IFT81: variants seen among roughly 807,000 people sequenced by gnomAD.
IFT81 encodes intraflagellar transport 81, also known as intraflagellar transport protein 81 homolog.
A neutral mutation model predicts 102.6 loss-of-function variants in IFT81; 72 were observed. That is an observed-to-expected ratio of 0.70 (90% confidence interval 0.58 to 0.85). The LOEUF is 0.85. Among genes scored for constraint, IFT81 ranks in the 40% least tolerant of loss-of-function variants. The pLI, the probability that IFT81 is intolerant of heterozygous loss-of-function variation, is 0.00. For missense variants in IFT81, 723 were observed against 787.3 expected, an observed-to-expected ratio of 0.92 and a Z score of 0.98; for synonymous variants, 237 against 242.7, an observed-to-expected ratio of 0.98 and a Z score of 0.22.
At chr12:110,157,475 G>A (rs1374763080) in intron 10 of IFT81, among the ~76,000 whole-genome samples, 1 of 152,152 alleles carries the variant, frequency 6.6e-6, no homozygotes, top group Non-Finnish European at 1.5e-5. Flanking sequence ...AGTGCCAACA[G>A]TTTGATTTTA....
At chr12:110,161,589 G>A (rs1344732439) in intron 10 of IFT81, among the ~76,000 whole-genome samples, 1 of 151,856 alleles carries the variant, frequency 6.6e-6, no homozygotes, top group Non-Finnish European at 1.5e-5. Flanking sequence ...GACCACAGGT[G>A]TGCATCACAA....
chr12:110,146,941 A>C lies in IFT81; in HGVS notation c.946-12A>C, dbSNP rs1286117549. 8 of 1,579,990 alleles carry C rather than the reference A, an allele frequency of 5.1e-6. No homozygotes were observed. The highest frequency in any genetic ancestry group is 1.4e-5 in the African/African-American group (1 of 72,682). On this transcript the variant is annotated splice_polypyrimidine_tract_variant and intron_variant, in intron 9 of 18. Transcript: ENST00000242591. Reference sequence around the variant, plus strand: ...GTTTTAACTTTTTTTTTTTGCTTTCATGCTATTTTAGATAAATGAAATAAA... The same window carrying C: ...GTTTTAACTTTTTTTTTTTGCTTTCCTGCTATTTTAGATAAATGAAATAAA...
chr12:110,184,648 G>A (rs913555720), intron 12 of IFT81, among the ~76,000 whole-genome samples: 14 of 152,284 alleles, frequency 9.2e-5, no homozygotes, highest in African/African-American at 3.4e-4. Context: ...CTCTGATACA[G>A]GTCTGACACC....
chr12:110,209,191 C>T lies in IFT81; in HGVS notation c.1823C>T (p.Thr608Ile). 6.5e-7 allele frequency: 1 copy of T among 1,550,166 alleles called. No individual in the cohort carries two copies. The highest frequency in any genetic ancestry group is 8.9e-7 in the Non-Finnish European group (1 of 1,126,572). ...CCTAGGGAACAGTATACCAAAAATACTGCTGAACAAGAAAACCTTGGAAAG... is the reference window on the plus strand; with the variant it reads ...CCTAGGGAACAGTATACCAAAAATATTGCTGAACAAGAAAACCTTGGAAAG... ...KAIREQYTKN[T>I]AEQENLGKKL... is the part of the protein sequence containing the mutation. Residue 608 changes from threonine (T) to isoleucine (I), a missense_variant, in exon 18 of 19, where the codon ACT becomes ATT. By Grantham distance (89) the Thr-to-Ile change is moderately conservative. Transcript: ENST00000242591.
At position 110,163,185 on chromosome 12, in the gene IFT81, C is replaced by T. The variant is rs1896237146; in HGVS notation, c.1188+120C>T. 1.2e-5 allele frequency: 9 copies of T among 746,860 alleles called. No individual in the cohort carries two copies. In the Admixed American group the frequency reaches 1.9e-4, roughly 16 times the overall value. The allele number at this position is 746,860 out of a possible 1,614,324, so 46.3% of individuals were successfully genotyped here. A position where few individuals can be genotyped will look rare whatever the true frequency, so the allele number is the denominator to read the frequency against. On this transcript the variant is annotated intron_variant, in intron 11 of 18. Coordinates refer to ENST00000242591, the MANE Select transcript of IFT81 (RefSeq NM_014055.4). ...GGGACGTTAATCTTATTTTATAAAA[C>T]ATATTTAAAACTGAAGAGTCTTTTT...
chr12:110,183,804 G>A (rs942592192), intron 12 of IFT81, among the ~76,000 whole-genome samples: 1 of 152,136 alleles, frequency 6.6e-6, no homozygotes, highest in Non-Finnish European at 1.5e-5. Flanking sequence ...GATAATCTGG[G>A]GATTCAAGGT....
intron 11 of IFT81, among the ~76,000 whole-genome samples, chr12:110,165,500 T>C (rs1178916994): frequency 6.6e-6 from 1 of 152,188 alleles, no homozygotes; most frequent in Non-Finnish European, 1.5e-5. Flanking sequence ...AAGGTATTGA[T>C]AATTAGTGGC....
At chr12:110,197,931 C>T (rs375522962) in intron 14 of IFT81, among the ~76,000 whole-genome samples, 2 of 152,190 alleles carry the variant, frequency 1.3e-5, no homozygotes, top group East Asian at 1.9e-4. Context: ...AGGCTGGTCT[C>T]GAACTCCTGA....
chr12:110,201,254 T>C (rs1898251730), intron 14 of IFT81, among the ~76,000 whole-genome samples: 1 of 151,446 alleles, frequency 6.6e-6, no homozygotes, highest in African/African-American at 2.4e-5. Flanking sequence ...AATACGAAAT[T>C]ATCTGGTCAT....
At chr12:110,181,020 A>G (rs962017454) in intron 12 of IFT81, among the ~76,000 whole-genome samples, 4 of 152,184 alleles carry the variant, frequency 2.6e-5, no homozygotes, top group Non-Finnish European at 4.4e-5. Flanking sequence ...GTCTGAAAAA[A>G]GTTAAACCCA....
At chr12:110,139,266 G>A (rs1894697676) in intron 8 of IFT81, among the ~76,000 whole-genome samples, 1 of 151,094 alleles carries the variant, frequency 6.6e-6, no homozygotes, top group African/African-American at 2.4e-5. Flanking sequence ...GAGCTCAGGA[G>A]GTGGAAGTTG....
intron 14 of IFT81, among the ~76,000 whole-genome samples, chr12:110,201,113 A>T (rs543571725): frequency 1.3e-4 from 20 of 151,896 alleles, no homozygotes; most frequent in Admixed American, 4.6e-4. Flanking sequence ...ATTTAAAAAA[A>T]TTTTTTTGGC....
At position 110,132,565 on chromosome 12, in the gene IFT81, G is replaced by T; in HGVS notation, c.448G>T (p.Ala150Ser). ...TNKQYEELME[A>S]FKTLHKEYEQ... ...CTTCTAGTATGAAGAGTTAATGGAA[G>T]CCTTTAAAACTTTGCATAAAGAATA... Residue 150 changes from alanine to serine, a missense_variant, in exon 5 of 19, where the codon GCC becomes TCC. Transcript: ENST00000242591. 6.5e-7 allele frequency: 1 copy of T among 1,527,120 alleles called. No homozygotes were observed. Among genetic ancestry groups the T allele is most frequent in the South Asian group, 1.2e-5 (1 of 85,334 alleles). The allele number at this position is 1,527,120 out of a possible 1,614,324, so 94.6% of individuals were successfully genotyped here.
intron 11 of IFT81, among the ~76,000 whole-genome samples, chr12:110,172,857 G>A (rs1195746775): frequency 6.6e-6 from 1 of 152,222 alleles, no homozygotes; most frequent in Non-Finnish European, 1.5e-5. Flanking sequence ...CATCGTCTGG[G>A]ATGTGAGGAG....
At chr12:110,135,738 A>G (rs1259157483) in intron 7 of IFT81, among the ~76,000 whole-genome samples, 1 of 151,942 alleles carries the variant, frequency 6.6e-6, no homozygotes, top group East Asian at 1.9e-4. Flanking sequence ...ATGGTGGCAC[A>G]TGCCTGTAGT....
intron 18 of IFT81, among the ~76,000 whole-genome samples, chr12:110,217,775 C>G (rs1438008609): frequency 3.3e-5 from 5 of 151,832 alleles, no homozygotes; most frequent in Admixed American, 2.6e-4. Context: ...AACAGTTTGA[C>G]TTAGTGTTGG....
chr12:110,179,743 TA>T (rs1897215503), intron 11 of IFT81, among the ~76,000 whole-genome samples: 1 of 35,926 alleles, frequency 2.8e-5, no homozygotes, highest in African/African-American at 2.3e-4. Context: ...TATATATATA[TA>T]TATATATATA....
At chr12:110,125,809 G>T (rs996548888) in intron 1 of IFT81, among the ~76,000 whole-genome samples, 16 of 152,202 alleles carry the variant, frequency 1.1e-4, no homozygotes, top group Middle Eastern at 3.2e-3. Flanking sequence ...CTTTCTCACT[G>T]CCAGCCTGAT....
rs182834911 is a variant in IFT81, at chr12:110,205,796, T to C, written c.1802+116T>C. On this transcript the variant is annotated intron_variant, in intron 17 of 18. Coordinates refer to ENST00000242591, the MANE Select transcript of IFT81 (RefSeq NM_014055.4). Reference sequence around the variant, plus strand: ...ATTTAAGTAAGTAGACACTAAGATATTATTTAATACTAAATCTTACTAAAC... The same window carrying C: ...ATTTAAGTAAGTAGACACTAAGATACTATTTAATACTAAATCTTACTAAAC... 30 of 598,710 alleles carry C rather than the reference T, an allele frequency of 5.0e-5. No homozygotes were observed. In the East Asian group the frequency reaches 8.4e-4, roughly 17 times the overall value. The allele number at this position is 598,710 out of a possible 1,614,324, so 37.1% of individuals were successfully genotyped here. A position where few individuals can be genotyped will look rare whatever the true frequency, so the allele number is the denominator to read the frequency against.
Sources: allele counts gnomAD v4.1 joint callset (sites outside exome capture counted in the v4.1 genomes callset), GRCh38; gene constraint gnomAD v4.1.1; transcripts MANE v1.5; gene names NCBI Gene and HGNC (gene_info 2026-07-23, HGNC 2026-07-21).